The following TNRC18 variants were observed in gnomAD, a reference collection of about 807,000 sequenced individuals.
The protein encoded by TNRC18 is trinucleotide repeat containing 18.
In TNRC18, 69 loss-of-function variants were observed where a neutral mutation model predicts 226.7. The observed-to-expected ratio is 0.30, with a 90% CI of 0.25 to 0.37. The LOEUF is 0.37. TNRC18 is among the 10% of genes least tolerant of loss of function. The pLI, the probability that TNRC18 is intolerant of heterozygous loss-of-function variation, is 1.00. For missense variants in TNRC18, 4,754 were observed against 4,256.6 expected, an observed-to-expected ratio of 1.12 and a Z score of -3.25; for synonymous variants, 2,449 against 1,927.6, an observed-to-expected ratio of 1.27 and a Z score of -7.09.
intron 1 of TNRC18, among the ~76,000 whole-genome samples, chr7:5,422,374 T>C (rs1782636881): frequency 8.4e-6 from 1 of 118,700 alleles, no homozygotes; most frequent in African/African-American, 3.2e-5. Flanking sequence ...AAGAAAGCCT[T>C]TGCAACGCGG....
intron 19 of TNRC18, 137 bp from the exon 20 acceptor site, chr7:5,325,385 T>A: frequency 2.2e-6 from 2 of 899,644 alleles, no homozygotes; most frequent in Non-Finnish European, 3.3e-6. Flanking sequence ...AAACACCCCT[T>A]CTCTCTCTTC....
chr7:5,325,290 G>A, intron 19 of TNRC18, 42 bp from the exon 20 acceptor site: 1 of 1,537,754 alleles, frequency 6.5e-7, no homozygotes, highest in Non-Finnish European at 8.7e-7. Flanking sequence ...AAACGGCAGG[G>A]AAAGCACAGG....
In TNRC18 at chr7:5,313,694, T is replaced by C. The variant is rs555347135; in HGVS notation, c.7197A>G (p.Ala2399=). 1.5e-4 allele frequency: 238 copies of C among 1,603,248 alleles called. 1 individual carries two copies. The East Asian group carries it at 2.2e-3, about 15-fold the overall frequency. Residue 2399 remains alanine, a synonymous_variant, in exon 27 of 30, where the codon GCA becomes GCG. Coordinates refer to ENST00000430969, the MANE Select transcript of TNRC18 (RefSeq NM_001080495.3). ...ARPAPPQPSP[A]PPAFTSCPAP... is the part of the protein sequence containing the mutation. The stretch of plus-strand genomic sequence containing the variant: ...CTGGGCAGCTGGTGAAGGCGGGTGG[T>C]GCGGGACTGGGCTGCGGCGGTGCCG...
chr7:5,394,898 G>T lies in TNRC18; in HGVS notation c.188-303C>A, dbSNP rs1404572255. Reference sequence around the variant, plus strand: ...CGGAGGAGGGCCTTCCACCCCTGCCGCCCAACCAGCCCAGATCCGGCCCGG... The same window carrying T: ...CGGAGGAGGGCCTTCCACCCCTGCCTCCCAACCAGCCCAGATCCGGCCCGG... On this transcript the variant is annotated intron_variant, in intron 2 of 29. Coordinates refer to ENST00000430969, the MANE Select transcript of TNRC18 (RefSeq NM_001080495.3). The surrounding 1 kb of genome is among the most constrained non-coding windows in gnomAD (Gnocchi z 4.5). 2.0e-5 allele frequency among the ~76,000 whole-genome samples: 3 copies of T among 152,072 alleles called. No homozygotes were observed. Among genetic ancestry groups the T allele is most frequent in the Non-Finnish European group, 4.4e-5 (3 of 67,998 alleles).
chr7:5,421,295 G>A lies in TNRC18; in HGVS notation c.-49C>T, dbSNP rs1782572232. On this transcript the variant is annotated 5_prime_UTR_variant, in exon 2 of 30. Coordinates refer to ENST00000430969, the MANE Select transcript of TNRC18 (RefSeq NM_001080495.3). ...GCCCCCCACCCGGCCCGCAGGCCTAGCTCAGTGGGACCTAAAAGTTCGGCC... is the reference window on the plus strand; with the variant it reads ...GCCCCCCACCCGGCCCGCAGGCCTAACTCAGTGGGACCTAAAAGTTCGGCC... The A allele has an allele frequency of 8.0e-6, 10 of 1,245,326 alleles. No individual in the cohort carries two copies. The highest frequency in any genetic ancestry group is 4.2e-5 in the Admixed American group (1 of 23,598). 77.1% of individuals were successfully genotyped at this position (1,245,326 alleles called of 1,614,324 possible).
In TNRC18 at chr7:5,388,454, CG is replaced by C; in HGVS notation, c.1369del (p.Arg457AlafsTer133). 6.9e-7 allele frequency: 1 copy of C among 1,445,582 alleles called. No homozygotes were observed. Among genetic ancestry groups the C allele is most frequent in the Non-Finnish European group, 9.0e-7 (1 of 1,111,816 alleles). 89.5% of individuals were successfully genotyped at this position (1,445,582 alleles called of 1,614,324 possible). ...VRATRASPDP[R>X]AYVPAKELLK... ...CAGCTCCTTGGCAGGCACGTAGGCG[CG>C]GGGGTCCGGGGAGGCGCGTGTGGCC... On this transcript the variant is annotated frameshift_variant, in exon 5 of 30. Coordinates refer to ENST00000430969, the MANE Select transcript of TNRC18 (RefSeq NM_001080495.3). LOFTEE classifies it high-confidence loss of function.
In TNRC18 at chr7:5,309,371, G is replaced by A. The variant is rs939976166; in HGVS notation, c.8389-3C>T. 7 of 1,606,186 alleles carry A rather than the reference G, an allele frequency of 4.4e-6. No homozygotes were observed. The highest frequency in any genetic ancestry group is 2.2e-5 in the East Asian group (1 of 44,588). ...GCCTTGCCCTTCATGCCACGCCGCT[G>A]CAAGGACACGTGTGTCACGGCACAG... On this transcript the variant is annotated splice_region_variant and splice_polypyrimidine_tract_variant and intron_variant, in intron 27 of 29. Coordinates refer to ENST00000430969, the MANE Select transcript of TNRC18 (RefSeq NM_001080495.3). The surrounding 1 kb of genome is among the most constrained non-coding windows in gnomAD (Gnocchi z 5.7).
intron 14 of TNRC18, among the ~76,000 whole-genome samples, chr7:5,360,457 T>C (rs191893946): frequency 2.0e-4 from 30 of 152,268 alleles, no homozygotes; most frequent in African/African-American, 6.5e-4. Flanking sequence ...CTCAAACTCC[T>C]GACCTCAAGT....
intron 17 of TNRC18, among the ~76,000 whole-genome samples, chr7:5,351,073 G>A (rs1038941969): frequency 6.6e-6 from 1 of 152,154 alleles, no homozygotes; most frequent in African/African-American, 2.4e-5. Context: ...TGCTGGAGGT[G>A]AAGGCGCTTG....
In TNRC18 at chr7:5,315,013, C is replaced by A. The variant is rs1169751337; in HGVS notation, c.6998G>T (p.Gly2333Val). 2 of 1,607,700 alleles carry A rather than the reference C, an allele frequency of 1.2e-6. No individual in the cohort carries two copies. The highest frequency in any genetic ancestry group is 1.7e-6 in the Non-Finnish European group (2 of 1,177,938). Residue 2333 changes from glycine to valine, a missense_variant, in exon 26 of 30, where the codon GGG (glycine) becomes GTG (valine). Gly to Val is a moderately radical substitution (Grantham distance 109). Transcript: ENST00000430969. ...EEPGAKARGRGRKPSAKAKGD... is the reference protein window; with the variant it reads ...EEPGAKARGRVRKPSAKAKGD... ...CTTGGCCTTGGCGCTGGGTTTCCGC[C>A]CACGCCCACGGGCCTTGGCTCCTGG...
chr7:5,376,992 G>C lies in TNRC18; in HGVS notation c.2463C>G (p.Gly821=), dbSNP rs1248213703. 1 of 1,576,828 alleles carries C rather than the reference G, an allele frequency of 6.3e-7. No homozygotes were observed. Among genetic ancestry groups the C allele is most frequent in the Admixed American group, 1.9e-5 (1 of 53,898 alleles). The change falls in exon 8 of 30, where the codon GGC becomes GGG. Residue 821 remains glycine (G), a splice_region_variant and synonymous_variant. Transcript: ENST00000430969. ...CCTGGTGCAGAGATGGGGGACCCAA[G>C]CCTAGGAGGAGAAGCCCAGGCCTGA... ...ASMWLAGHPY[G]LGPPSLHQGM...
chr7:5,374,413 A>G lies in TNRC18; in HGVS notation c.2871T>C (p.Ala957=). Residue 957 remains alanine (A), a synonymous_variant, in exon 10 of 30, where the codon GCT becomes GCC. Transcript: ENST00000430969. Reference sequence around the variant, plus strand: ...CGGTGGCCAGGCCAGCCTTGCCCGCAGCCTCCAGGCCCCGCTTGCTCCCCT... The same window carrying G: ...CGGTGGCCAGGCCAGCCTTGCCCGCGGCCTCCAGGCCCCGCTTGCTCCCCT... The part of the protein sequence containing the change: ...EEKGSKRGLE[A]AGKAGLATAG... The G allele has an allele frequency of 6.5e-7, 1 of 1,536,800 alleles. No individual in the cohort carries two copies. Among genetic ancestry groups the G allele is most frequent in the South Asian group, 1.2e-5 (1 of 83,630 alleles).
At chr7:5,360,358 T>C (rs963259440) in intron 14 of TNRC18, among the ~76,000 whole-genome samples, 2 of 151,976 alleles carry the variant, frequency 1.3e-5, no homozygotes, top group African/African-American at 4.8e-5. Flanking sequence ...GCCTCCCAAA[T>C]AGCTGGGATT....
At chr7:5,317,212 C>T (rs562115300) in intron 24 of TNRC18, among the ~76,000 whole-genome samples, 13 of 152,084 alleles carry the variant, frequency 8.5e-5, no homozygotes, top group Middle Eastern at 3.4e-3. Context: ...GGTCCCCAGA[C>T]GCCTAAGGAG....
In TNRC18 at chr7:5,312,192, C is replaced by T. The variant is rs6463393; in HGVS notation, c.8388+311G>A. ...CTGGAAAGCCCCTTCCACGTGGCGCCGACGCCTGTGGGTCTGTGCTGATCT... is the reference window on the plus strand; with the variant it reads ...CTGGAAAGCCCCTTCCACGTGGCGCTGACGCCTGTGGGTCTGTGCTGATCT... On this transcript the variant is annotated intron_variant, in intron 27 of 29. Transcript: ENST00000430969. The surrounding 1 kb of genome is among the most constrained non-coding windows in gnomAD (Gnocchi z 6.3). 0.056 allele frequency among the ~76,000 whole-genome samples: 8,472 copies of T among 152,280 alleles called. 322 individuals are homozygous for T. Among genetic ancestry groups the T allele is most frequent in the African/African-American group, 0.092 (3,813 of 41,550 alleles).
rs1779996597 is a variant in TNRC18, at chr7:5,388,500, C to G, written c.1324G>C (p.Ala442Pro). Residue 442 changes from alanine to proline, a missense_variant, in exon 5 of 30, where the codon GCG (alanine) becomes CCG (proline). Ala to Pro is a conservative substitution (Grantham distance 27, BLOSUM62 -1). Coordinates refer to ENST00000430969, the MANE Select transcript of TNRC18 (RefSeq NM_001080495.3). ...GTGGCCCGCACCGTGGGGGCATCCG[C>G]GGGGGGCGGCCGCTTGAGCGAGCGG... ...VIRSLKRPPP[A>P]DAPTVRATRA... The G allele has an allele frequency of 6.7e-6, 9 of 1,336,930 alleles. No individual in the cohort carries two copies. In the South Asian group the frequency reaches 1.4e-4, roughly 20 times the overall value. The allele number at this position is 1,336,930 out of a possible 1,614,324, so 82.8% of individuals were successfully genotyped here.
chr7:5,336,494 G>A (rs576447671), intron 18 of TNRC18, among the ~76,000 whole-genome samples: 16 of 151,950 alleles, frequency 1.1e-4, no homozygotes, highest in African/African-American at 9.7e-5. Flanking sequence ...CTATAATCCC[G>A]GAATTTGGGA....
Position 5,394,538 on chromosome 7 carries a change from TG to T in TNRC18, c.244del (p.His82MetfsTer49), listed in dbSNP as rs1426768066. 1 of 1,552,240 alleles carries T rather than the reference TG, an allele frequency of 6.4e-7. No individual in the cohort carries two copies. Among genetic ancestry groups the T allele is most frequent in the East Asian group, 2.5e-5 (1 of 40,816 alleles). Reference protein sequence around the residue: ...ASGMGPSASSHGSPVPLPSDL... With the variant: ...ASGMGPSASSXGSPVPLPSDL... ...AGAGGGCAGTGGCACTGGGCTCCCA[TG>T]GGACGAGGCCGAGGGCCCCATCCCG... On this transcript the variant is annotated frameshift_variant, in exon 3 of 30. Transcript: ENST00000430969. LOFTEE classifies it high-confidence loss of function. This position sits in a 1 kb window ranked among gnomAD's most constrained non-coding sequence, Gnocchi z 4.5.
At chr7:5,420,574 G>T (rs183353156) in intron 2 of TNRC18, 4 of 450,420 alleles carry the variant, frequency 8.9e-6, no homozygotes, top group Non-Finnish European at 1.8e-5. Context: ...ATCCCCCGGC[G>T]CTCGGTAACT....
Sources: gnomAD v4.1 joint callset for allele counts (sites outside exome capture counted in the v4.1 genomes callset) on GRCh38, gnomAD v4.1.1 for gene constraint, Gnocchi (gnomAD v3.1) non-coding constraint, MANE v1.5 for transcripts, NCBI Gene and HGNC (gene_info 2026-07-23, HGNC 2026-07-21) for gene names.